The following ERMP1 variants were observed in gnomAD, a reference collection of about 807,000 sequenced individuals.
The protein encoded by ERMP1 is endoplasmic reticulum metallopeptidase 1.
A neutral mutation model predicts 92.0 loss-of-function variants in ERMP1; 86 were observed. The ratio of observed to expected loss-of-function variants is 0.93; its 90% CI spans 0.79 to 1.12. The LOEUF (loss-of-function observed/expected upper bound fraction) is 1.12, where lower values mean the gene tolerates loss of function less well. ERMP1 is among the 50% of genes most tolerant of loss of function. The pLI is 0.00. For missense variants in ERMP1, 1,342 were observed against 1,116.3 expected, an observed-to-expected ratio of 1.20 and a Z score of -2.88; for synonymous variants, 530 against 412.8, an observed-to-expected ratio of 1.28 and a Z score of -3.44.
At chr9:5,816,485 GTA>G (rs1316636691) in intron 4 of ERMP1, among the ~76,000 whole-genome samples, 11 of 152,172 alleles carry the variant, frequency 7.2e-5, no homozygotes, top group Admixed American at 2.6e-4. Flanking sequence ...ATTATCTTTT[GTA>G]TATATAAATA....
At chr9:5,834,709 G>GTGTGTT (rs1412649675), upstream of ERMP1, among the ~76,000 whole-genome samples, 1 of 143,174 alleles carries the variant, frequency 7.0e-6, no homozygotes, top group African/African-American at 2.8e-5. Context: ...ATATATGTGT[G>GTGTGTT]TGTGTGTGTG....
At chr9:5,789,642 A>G (rs1327984210) in intron 13 of ERMP1, among the ~76,000 whole-genome samples, 1 of 152,034 alleles carries the variant, frequency 6.6e-6, no homozygotes, top group Non-Finnish European at 1.5e-5. Context: ...CTAGGCTGGA[A>G]TGCAGTGGCA....
At chr9:5,791,931 T>C (rs1308729344) in intron 13 of ERMP1, among the ~76,000 whole-genome samples, 3 of 152,104 alleles carry the variant, frequency 2.0e-5, no homozygotes, top group Non-Finnish European at 4.4e-5. Flanking sequence ...TTACAACAGA[T>C]ATACACAAAG....
At chr9:5,813,798 A>G (rs2131244623) in intron 4 of ERMP1, among the ~76,000 whole-genome samples, 1 of 150,802 alleles carries the variant, frequency 6.6e-6, no homozygotes, top group East Asian at 1.9e-4. Context: ...TCATACATCT[A>G]CAGCTTTTTC....
At chr9:5,849,213 G>A (rs532432898) in intron 6 of ERMP1, among the ~76,000 whole-genome samples, 1 of 152,244 alleles carries the variant, frequency 6.6e-6, no homozygotes, top group African/African-American at 2.4e-5. Context: ...AGTAGAGACA[G>A]GGTTTCACCA....
Position 5,787,089 on chromosome 9 carries a change from A to G in ERMP1, c.*55T>C, listed in dbSNP as rs757307038. The G allele has an allele frequency of 3.1e-4, 461 of 1,488,004 alleles. No individual in the cohort carries two copies. The highest frequency in any genetic ancestry group is 6.6e-4 in the Admixed American group (33 of 49,984). 92.2% of individuals were successfully genotyped at this position (1,488,004 alleles called of 1,614,324 possible). A position where few individuals can be genotyped will look rare whatever the true frequency, so the allele number is the denominator to read the frequency against. ...ACAAACATCCACGTAACATAGGGAG[A>G]AACCATGTCACATGGAGTATCCACT... On this transcript the variant is annotated 3_prime_UTR_variant, in exon 15 of 15. Coordinates refer to ENST00000339450, the MANE Select transcript of ERMP1 (RefSeq NM_024896.3).
At chr9:5,797,795 A>G (rs752394471) in intron 13 of ERMP1, 22 bp downstream of exon 13, 48 of 1,446,298 alleles carry the variant, frequency 3.3e-5, no homozygotes, top group Middle Eastern at 1.8e-4. Flanking sequence ...AGGAGGGGAG[A>G]AAAAACTATT....
upstream of ERMP1, among the ~76,000 whole-genome samples, chr9:5,837,817 T>G (rs1014892899): frequency 6.6e-6 from 1 of 152,164 alleles, no homozygotes. Flanking sequence ...GAAAAAGCAT[T>G]TTTTCACTGG....
At chr9:5,811,910 T>C (rs1011652490) in intron 6 of ERMP1, among the ~76,000 whole-genome samples, 1 of 152,162 alleles carries the variant, frequency 6.6e-6, no homozygotes, top group Non-Finnish European at 1.5e-5. Context: ...CCAACTCCTT[T>C]TTCATTTCCT....
intron 2 of ERMP1, among the ~76,000 whole-genome samples, chr9:5,829,238 A>C (rs920178010): frequency 2.6e-5 from 4 of 151,388 alleles, no homozygotes; most frequent in Non-Finnish European, 4.4e-5. Flanking sequence ...AAAAAAAAAA[A>C]CACTAAACCA....
intron 6 of ERMP1, among the ~76,000 whole-genome samples, chr9:5,846,576 C>T (rs1353032393): frequency 2.6e-5 from 4 of 152,182 alleles, no homozygotes; most frequent in Non-Finnish European, 4.4e-5. Flanking sequence ...TGCATGGTTT[C>T]ACTCATGTAT....
Position 5,812,996 on chromosome 9 carries a change from G to A in ERMP1, c.914C>T (p.Ala305Val). 6.2e-7 allele frequency: 1 copy of A among 1,614,054 alleles called. No homozygotes were observed. Among genetic ancestry groups the A allele is most frequent in the East Asian group, 2.2e-5 (1 of 44,872 alleles). Residue 305 changes from alanine (A) to valine (V), a missense_variant, in exon 5 of 15, where the codon GCA becomes GTA. Physicochemically the swap from Ala to Val is moderately conservative, Grantham distance 64. Transcript: ENST00000339450. ...CACAGAAGCAAAAGGGTGTTTAGCT[G>A]CTGAAACATAAGCTTGAACCAACCA... ...NPWLVQAYVS[A>V]AKHPFASVVA...
chr9:5,840,227 G>A (rs2129731311), intron 6 of ERMP1, among the ~76,000 whole-genome samples: 1 of 152,266 alleles, frequency 6.6e-6, no homozygotes, highest in African/African-American at 2.4e-5. Context: ...GGGTGACAGA[G>A]TGAGACTTCG....
At chr9:5,818,768 T>C (rs1829417422) in intron 4 of ERMP1, among the ~76,000 whole-genome samples, 1 of 152,086 alleles carries the variant, frequency 6.6e-6, no homozygotes, top group African/African-American at 2.4e-5. Context: ...TTATGTCAAC[T>C]ATTTCTGCAG....
chr9:5,830,837 G>A lies in ERMP1; in HGVS notation c.530C>T (p.Thr177Ile). ...ATTGGTGATGTTGTCATAATAGCTT[G>A]TAAAACCTCCCAAGAAATCAATGCT... ...SFSIDFLGGF[T>I]SYYDNITNVV... Residue 177 changes from threonine (T) to isoleucine (I), a missense_variant, in exon 2 of 15, where the codon ACA becomes ATA. Transcript: ENST00000339450. The A allele has an allele frequency of 6.2e-7, 1 of 1,614,096 alleles. No individual in the cohort carries two copies. Among genetic ancestry groups the A allele is most frequent in the Non-Finnish European group, 8.5e-7 (1 of 1,179,962 alleles).
At chr9:5,788,489 C>G (rs1828033048) in intron 13 of ERMP1, among the ~76,000 whole-genome samples, 1 of 152,102 alleles carries the variant, frequency 6.6e-6, no homozygotes, top group Non-Finnish European at 1.5e-5. Context: ...AATTCAGGGT[C>G]CTGCAAGAAA....
At chr9:5,794,668 A>C (rs1380292006) in intron 13 of ERMP1, among the ~76,000 whole-genome samples, 1 of 152,212 alleles carries the variant, frequency 6.6e-6, no homozygotes. Context: ...CCAATTCTTT[A>C]AAAGACACAA....
At chr9:5,863,213 G>C (rs1374048803) in intron 5 of ERMP1, among the ~76,000 whole-genome samples, 3 of 152,304 alleles carry the variant, frequency 2.0e-5, no homozygotes, top group South Asian at 2.1e-4. Flanking sequence ...CATTTCCAAT[G>C]ATGGGCAGCT....
intron 6 of ERMP1, among the ~76,000 whole-genome samples, chr9:5,842,976 A>ATT (rs1196364243): frequency 3.9e-5 from 6 of 152,258 alleles, no homozygotes; most frequent in Non-Finnish European, 8.8e-5. Flanking sequence ...AATCTTTAAG[A>ATT]AGCTCCACAA....
Sources: gnomAD v4.1 joint callset for allele counts (sites outside exome capture counted in the v4.1 genomes callset) on GRCh38, gnomAD v4.1.1 for gene constraint, MANE v1.5 for transcripts, NCBI Gene and HGNC (gene_info 2026-07-23, HGNC 2026-07-21) for gene names.